KIDINS220: variants seen among roughly 807,000 people sequenced by gnomAD.
KIDINS220 encodes the protein kinase D interacting substrate 220.
In KIDINS220, 63 loss-of-function variants were observed where a neutral mutation model predicts 157.6. That is an observed-to-expected ratio of 0.40 (90% CI 0.33 to 0.49). The LOEUF is 0.49. Among genes scored for constraint, KIDINS220 ranks in the 20% least tolerant of loss-of-function variants. The pLI, the probability that KIDINS220 is intolerant of heterozygous loss-of-function variation, is 0.66. For synonymous variants in KIDINS220, 732 were observed against 783.6 expected, an observed-to-expected ratio of 0.93 and a Z score of 1.10; for missense variants, 1,772 against 2,171.2, an observed-to-expected ratio of 0.82 and a Z score of 3.65.
intron 17 of KIDINS220, among the ~76,000 whole-genome samples, chr2:8,785,068 A>G (rs1672210060): frequency 6.6e-6 from 1 of 152,248 alleles, no homozygotes; most frequent in South Asian, 2.1e-4. Flanking sequence ...CACATTAGCC[A>G]TGCTAAAAAG....
intron 17 of KIDINS220, among the ~76,000 whole-genome samples, chr2:8,781,829 A>G (rs2090581249): frequency 1.3e-5 from 2 of 152,240 alleles, no homozygotes; most frequent in South Asian, 4.1e-4. Context: ...AAGATATAAA[A>G]TCAGTAATCT....
At chr2:8,723,679 T>C (rs1663103045), downstream of KIDINS220, 1 of 152,202 alleles carries the variant, frequency 6.6e-6, no homozygotes, top group South Asian at 2.1e-4. Flanking sequence ...AAAAGAATGG[T>C]TGAAGAAGTG....
At chr2:8,823,304 G>A (rs564281276) in intron 2 of KIDINS220, among the ~76,000 whole-genome samples, 3 of 151,880 alleles carry the variant, frequency 2.0e-5, no homozygotes, top group Admixed American at 1.3e-4. Context: ...CTCAAAACTG[G>A]TAACCAAACA....
At position 8,778,646 on chromosome 2, in the gene KIDINS220, T is replaced by C. The variant is rs1312971960; in HGVS notation, c.2696A>G (p.Asn899Ser). The change falls in exon 20 of 30, where the codon AAT becomes AGT. Residue 899 changes from asparagine to serine, a missense_variant. Asn to Ser is a conservative substitution (Grantham distance 46). This residue lies in a region of KIDINS220 where 725 missense variants were observed against 1,017.1 expected (regional missense o/e 0.71). Transcript: ENST00000256707. The part of the protein sequence containing the change: ...MTKLGSKTAL[N>S]RRDTYRRRQM... ...AAGCCAATGGCATCTTACCCGTCTA[T>C]TGAGGGCTGTCTTGCTACCAAGTTT... 5 of 1,611,846 alleles carry C rather than the reference T, an allele frequency of 3.1e-6. No individual in the cohort carries two copies. Among genetic ancestry groups the C allele is most frequent in the African/African-American group, 2.7e-5 (2 of 74,892 alleles).
chr2:8,757,522 C>G, intron 22 of KIDINS220: 1 of 1,440,778 alleles, frequency 6.9e-7, no homozygotes, highest in South Asian at 1.4e-5. Flanking sequence ...GTTGTTTGCT[C>G]TTTAATGTTT....
At chr2:8,832,687 G>GA (rs1185067601) in intron 1 of KIDINS220, among the ~76,000 whole-genome samples, 13 of 151,064 alleles carry the variant, frequency 8.6e-5, no homozygotes, top group South Asian at 4.2e-4. Context: ...ATTTTCAATA[G>GA]AAAAAAAAAT....
intron 1 of KIDINS220, among the ~76,000 whole-genome samples, chr2:8,832,515 T>C (rs1164189063): frequency 6.6e-6 from 1 of 152,168 alleles, no homozygotes; most frequent in Non-Finnish European, 1.5e-5. Flanking sequence ...TATGTATCTA[T>C]CCAGTGTGTA....
chr2:8,792,516 T>C (rs908726927), intron 12 of KIDINS220, among the ~76,000 whole-genome samples: 3 of 152,220 alleles, frequency 2.0e-5, no homozygotes, highest in Admixed American at 6.5e-5. Context: ...TGAGAAGCAA[T>C]AGCCTATGAA....
intron 20 of KIDINS220, 49 bp downstream of exon 20, chr2:8,778,590 A>C (rs1274525028): frequency 8.7e-7 from 1 of 1,155,354 alleles, no homozygotes; most frequent in Non-Finnish European, 1.3e-6. Flanking sequence ...TATTTGTATT[A>C]AATTGAATAG....
intron 1 of KIDINS220, among the ~76,000 whole-genome samples, chr2:8,834,683 G>A (rs1437954978): frequency 1.3e-5 from 2 of 152,042 alleles, no homozygotes; most frequent in Non-Finnish European, 2.9e-5. Flanking sequence ...ACCCAGTATC[G>A]GTAGAATGAA....
chr2:8,794,201 A>C (rs1673596345), intron 11 of KIDINS220: 1 of 378,968 alleles, frequency 2.6e-6, no homozygotes, highest in African/African-American at 2.1e-5. Flanking sequence ...TTTCTCCCAC[A>C]GCCCTCTAGA....
chr2:8,827,512 A>T (rs1678983134), intron 1 of KIDINS220, among the ~76,000 whole-genome samples: 1 of 152,060 alleles, frequency 6.6e-6, no homozygotes, highest in South Asian at 2.1e-4. Context: ...CCTACACTCA[A>T]TCTATTAGCA....
chr2:8,736,768 T>G, intron 27 of KIDINS220, 100 bp downstream of exon 27: 1 of 1,234,062 alleles, frequency 8.1e-7, no homozygotes, highest in East Asian at 2.4e-5. Context: ...TAACAGGGAA[T>G]GCATGTTTGG....
intron 22 of KIDINS220, among the ~76,000 whole-genome samples, 156 bp from the exon 23 acceptor site, chr2:8,751,800 G>T (rs1168021642): frequency 6.6e-6 from 1 of 151,654 alleles, no homozygotes; most frequent in Non-Finnish European, 1.5e-5. Context: ...CTGCCTCCAG[G>T]TTCAAGCGAT....
At chr2:8,726,503 A>G (rs1346341409), downstream of KIDINS220, among the ~76,000 whole-genome samples, 1 of 152,240 alleles carries the variant, frequency 6.6e-6, no homozygotes. Flanking sequence ...AATTGGTGAG[A>G]ACTTTTTTGA....
chr2:8,735,896 G>A (rs1471115831), intron 27 of KIDINS220, among the ~76,000 whole-genome samples: 2 of 152,182 alleles, frequency 1.3e-5, no homozygotes, highest in African/African-American at 2.4e-5. Context: ...CCACTACCCC[G>A]ATGGGAACAA....
intron 9 of KIDINS220, chr2:8,800,097 C>G (rs993016615): frequency 3.7e-6 from 1 of 272,254 alleles, no homozygotes; most frequent in Non-Finnish European, 6.8e-6. Context: ...GTCACCGACT[C>G]TCTCAGTATC....
Position 8,770,708 on chromosome 2 carries a change from A to G in KIDINS220, c.2973T>C (p.Gly991=). 6.2e-7 allele frequency: 1 copy of G among 1,608,392 alleles called. No homozygotes were observed. ...TTTTTAATGTCATTTGATCTGGAAT[A>G]CCTTCAGTCTCTTCCAAATATAATA... ...WLILYLEETE[G]IPDQMTLKTI... is the part of the protein sequence containing the mutation. Residue 991 remains glycine, a synonymous_variant, in exon 22 of 30, where the codon GGT becomes GGC. Coordinates refer to ENST00000256707, the MANE Select transcript of KIDINS220 (RefSeq NM_020738.4).
rs1275516175 is a variant in KIDINS220, at chr2:8,779,767, A to C, written c.2277T>G (p.Ile759Met). The change falls in exon 18 of 30, where the codon ATT becomes ATG. Residue 759 changes from isoleucine to methionine, a missense_variant. Around this residue, in one of 3 missense-constraint regions of KIDINS220, gnomAD observed 725 missense variants for 1,017.1 expected, o/e 0.71. Coordinates refer to ENST00000256707, the MANE Select transcript of KIDINS220 (RefSeq NM_020738.4). Reference protein sequence around the residue: ...VELMARMAKTIDSFTQNQTRL... With the variant: ...VELMARMAKTMDSFTQNQTRL... ...TTGTCTGATTCTGAGTGAAGCTGTCAATGGTTTTTGCCATCCTGGCCATCA... is the reference window on the plus strand; with the variant it reads ...TTGTCTGATTCTGAGTGAAGCTGTCCATGGTTTTTGCCATCCTGGCCATCA... The C allele has an allele frequency of 6.2e-7, 1 of 1,614,098 alleles. No individual in the cohort carries two copies. The highest frequency in any genetic ancestry group is 1.1e-5 in the South Asian group (1 of 91,092).
Sources: allele counts gnomAD v4.1 joint callset (sites outside exome capture counted in the v4.1 genomes callset), GRCh38; gene constraint gnomAD v4.1.1; regional missense constraint gnomAD v4.1.1; transcripts MANE v1.5; gene names NCBI Gene and HGNC (gene_info 2026-07-23, HGNC 2026-07-21).